The following AKAP14 variants were observed in gnomAD, a reference collection of about 807,000 sequenced individuals.
AKAP14 encodes A-kinase anchor protein 14.
A neutral mutation model predicts 17.0 loss-of-function variants in AKAP14; 4 were observed. The ratio of observed to expected loss-of-function variants is 0.23; its 90% CI spans 0.12 to 0.54. AKAP14 has a LOEUF of 0.54. AKAP14 is among the 20% of genes least tolerant of loss of function. The probability of loss-of-function intolerance (pLI) is 0.95; values close to 1 mark genes in which losing one functional copy is unlikely to be tolerated. For missense variants in AKAP14, 129 were observed against 150.9 expected (o/e 0.85, Z 0.76); for synonymous variants, 42 against 51.3 (o/e 0.82, Z 0.77).
intron 4 of AKAP14, among the ~76,000 whole-genome samples, chrX:119,908,350 A>T (rs2056610152): frequency 9.1e-6 from 1 of 110,218 alleles, no homozygotes; most frequent in Non-Finnish European, 1.9e-5. Context: ...ACACTTACAC[A>T]TTGCCAATGG....
intron 5 of AKAP14, among the ~76,000 whole-genome samples, chrX:119,917,336 G>A (rs779123703): frequency 2.7e-5 from 3 of 109,570 alleles, no homozygotes; most frequent in South Asian, 3.9e-4. Context: ...AAATTAGGCC[G>A]GGCACGGTGG....
intron 4 of AKAP14, among the ~76,000 whole-genome samples, chrX:119,913,959 G>T (rs1387312218): frequency 3.6e-5 from 4 of 111,212 alleles, no homozygotes; most frequent in African/African-American, 3.3e-5. Flanking sequence ...GAGTGGCCAG[G>T]TGCGGTGGCT....
Position 119,902,685 on chromosome X carries a change from T to A in AKAP14, c.-10-529T>A, listed in dbSNP as rs1880116754. 5.4e-5 allele frequency among the ~76,000 whole-genome samples: 6 copies of A among 111,530 alleles called. No individual in the cohort carries two copies. The South Asian group carries it at 2.3e-3, about 42-fold the overall frequency. The stretch of plus-strand genomic sequence containing the variant: ...TTTTGATTTAAGTCATTATGGTGTT[T>A]TTTTTGTTTTTTGTTTTGTTTTTGA... On this transcript the variant is annotated intron_variant, in intron 2 of 6. Transcript: ENST00000371431.
At chrX:119,900,617 C>T (rs1012141778) in intron 2 of AKAP14, among the ~76,000 whole-genome samples, 2 of 111,713 alleles carry the variant, frequency 1.8e-5, no homozygotes, top group East Asian at 2.8e-4. Flanking sequence ...CCTGCAGCCT[C>T]GACCTCCCAG....
At chrX:119,902,364 G>A (rs1412921266) in intron 2 of AKAP14, among the ~76,000 whole-genome samples, 3 of 110,555 alleles carry the variant, frequency 2.7e-5, no homozygotes, top group Non-Finnish European at 3.8e-5. Flanking sequence ...GTGAGCCACC[G>A]CGCCGGGCCT....
chrX:119,917,913 T>C (rs1362195848), intron 5 of AKAP14, among the ~76,000 whole-genome samples: 1 of 112,912 alleles, frequency 8.9e-6, no homozygotes, highest in Non-Finnish European at 1.9e-5. Context: ...TCGCAGACCA[T>C]GCTGAGGCTG....
intron 2 of AKAP14, among the ~76,000 whole-genome samples, chrX:119,898,573 A>G (rs1339123794): frequency 4.6e-5 from 5 of 108,987 alleles, no homozygotes; most frequent in Admixed American, 3.0e-4. Context: ...AGGCAGGTGT[A>G]TCACCTGAGG....
At chrX:119,916,897 G>A (rs1241890948) in intron 5 of AKAP14, among the ~76,000 whole-genome samples, 2 of 102,079 alleles carry the variant, frequency 2.0e-5, no homozygotes, top group African/African-American at 7.0e-5. Context: ...CATGAGGTCA[G>A]GAGTTCGAGA....
chrX:119,899,675 G>A (rs2056553428), intron 2 of AKAP14, among the ~76,000 whole-genome samples: 1 of 111,564 alleles, frequency 9.0e-6, no homozygotes, highest in African/African-American at 3.3e-5. Context: ...AAGCCAGAGG[G>A]CACCATTTAT....
intron 4 of AKAP14, among the ~76,000 whole-genome samples, chrX:119,909,321 T>C (rs920915757): frequency 9.1e-6 from 1 of 109,339 alleles, no homozygotes; most frequent in African/African-American, 3.3e-5. Context: ...ACTCCGTCTC[T>C]ACTATATGTG....
At chrX:119,908,434 AAT>A (rs1339441750) in intron 4 of AKAP14, among the ~76,000 whole-genome samples, 1 of 111,468 alleles carries the variant, frequency 9.0e-6, no homozygotes, top group African/African-American at 3.3e-5. Flanking sequence ...ATAAAAGAAA[AAT>A]CAGAGAATGC....
Position 119,905,124 on chromosome X carries a change from G to A in AKAP14, c.261+1538G>A, listed in dbSNP as rs1333578671. 3.6e-5 allele frequency among the ~76,000 whole-genome samples: 4 copies of A among 110,858 alleles called. No individual in the cohort carries two copies. In the Admixed American group the frequency reaches 3.9e-4, roughly 11 times the overall value. On this transcript the variant is annotated intron_variant, in intron 4 of 6. Coordinates refer to ENST00000371431, the MANE Select transcript of AKAP14 (RefSeq NM_178813.6). The stretch of plus-strand genomic sequence containing the variant: ...GAGACCAGTTGAAATTGGTGGAGGC[G>A]AACTCCCCTACCCCTGGGAAAAGTT...
rs1241204776 is a variant in AKAP14 at position 119,913,733 on chromosome X, G to A, written c.262-966G>A. On this transcript the variant is annotated intron_variant, in intron 4 of 6. Transcript: ENST00000371431. ...AGAGGTTGCAATGAGCCAAGATCACGCCACTGCACTCCAGCCTGGGTGAAG... is the reference window on the plus strand; with the variant it reads ...AGAGGTTGCAATGAGCCAAGATCACACCACTGCACTCCAGCCTGGGTGAAG... 1.5e-4 allele frequency among the ~76,000 whole-genome samples: 17 copies of A among 110,236 alleles called. No homozygotes were observed. The Admixed American group carries it at 1.6e-3, about 10-fold the overall frequency.
At chrX:119,908,947 T>C (rs2056612784) in intron 4 of AKAP14, among the ~76,000 whole-genome samples, 1 of 111,552 alleles carries the variant, frequency 9.0e-6, no homozygotes. Context: ...CTCTTAGAAC[T>C]GAGGCTTCTA....
At chrX:119,907,872 C>T (rs1264741122) in intron 4 of AKAP14, among the ~76,000 whole-genome samples, 2 of 111,467 alleles carry the variant, frequency 1.8e-5, no homozygotes, top group African/African-American at 6.5e-5. Context: ...TTCTACTGAC[C>T]CAGGAAAAGT....
intron 4 of AKAP14, among the ~76,000 whole-genome samples, chrX:119,914,424 A>C (rs2056645539): frequency 9.1e-6 from 1 of 110,124 alleles, no homozygotes; most frequent in Admixed American, 9.8e-5. Flanking sequence ...GGACTCGGGC[A>C]ATCCTATTGC....
At chrX:119,902,755 G>A (rs769429221) in intron 2 of AKAP14, among the ~76,000 whole-genome samples, 19 of 110,609 alleles carry the variant, frequency 1.7e-4, no homozygotes, top group Non-Finnish European at 3.2e-4. Context: ...GCAATGGCGC[G>A]ATCTTGGCTC....
chrX:119,919,883 G>A (rs1264212537), intron 5 of AKAP14, 28 bp from the exon 6 acceptor site: 1 of 1,203,614 alleles, frequency 8.3e-7, no homozygotes, highest in East Asian at 3.0e-5. Flanking sequence ...GACTGGTCTG[G>A]GCTAACAGTT....
At chrX:119,897,550 A>G (rs1302310239) in intron 2 of AKAP14, among the ~76,000 whole-genome samples, 2 of 112,459 alleles carry the variant, frequency 1.8e-5, no homozygotes, top group Non-Finnish European at 3.8e-5. Flanking sequence ...ACCTTTGTAC[A>G]GTTGTCTTTA....
Sources: allele counts gnomAD v4.1 joint callset (sites outside exome capture counted in the v4.1 genomes callset), GRCh38; gene constraint gnomAD v4.1.1; transcripts MANE v1.5; gene names NCBI Gene and HGNC (gene_info 2026-07-23, HGNC 2026-07-21).